The following NEB variants were observed in gnomAD, a reference collection of about 807,000 sequenced individuals.
NEB encodes nebulin, also known as nemaline myopathy type 2.
In NEB, 512 loss-of-function variants were observed where a neutral mutation model predicts 952.2. The ratio of observed to expected loss-of-function variants is 0.54; its 90% CI spans 0.50 to 0.58. The LOEUF (loss-of-function observed/expected upper bound fraction) is 0.58, where lower values mean the gene tolerates loss of function less well. Ranked by LOEUF, NEB falls within the 20% of genes least tolerant of loss-of-function variation. The probability of loss-of-function intolerance (pLI) is 0.00; values close to 1 mark genes in which losing one functional copy is unlikely to be tolerated. For missense variants in NEB, 8,428 were observed against 9,231.1 expected, an observed-to-expected ratio of 0.91 and a Z score of 3.56; for synonymous variants, 2,900 against 3,149.8, an observed-to-expected ratio of 0.92 and a Z score of 2.66.
At chr2:151,675,661 A>G (rs547877070) in intron 34 of NEB, among the ~76,000 whole-genome samples, 1 of 152,354 alleles carries the variant, frequency 6.6e-6, no homozygotes, top group African/African-American at 2.4e-5. Flanking sequence ...ATGAAACCCT[A>G]GCAAGAATAA....
rs561926406 is a variant in NEB, at chr2:151,513,696, A to G, written c.23128-3T>C. On this transcript the variant is annotated splice_region_variant and splice_polypyrimidine_tract_variant and intron_variant, in intron 159 of 181. Coordinates refer to ENST00000397345, the MANE Select transcript of NEB (RefSeq NM_001164508.2). ...TCCAGGTCTCGCTTATATTCTTTCT[A>G]TAGTAGCATTAAAAGAAAAAAAAAA... 3 of 1,576,616 alleles carry G rather than the reference A, an allele frequency of 1.9e-6. No homozygotes were observed. The highest frequency in any genetic ancestry group is 2.6e-6 in the Non-Finnish European group (3 of 1,155,386).
At chr2:151,488,122 TC>T (rs1352965695) in intron 181 of NEB, among the ~76,000 whole-genome samples, 3 of 152,160 alleles carry the variant, frequency 2.0e-5, no homozygotes, top group Non-Finnish European at 4.4e-5. Context: ...TTCTTAGTCT[TC>T]CAAGTCCTAT....
intron 24 of NEB, chr2:151,689,845 C>A (rs2149061264): frequency 6.6e-6 from 1 of 152,288 alleles, no homozygotes; most frequent in East Asian, 1.9e-4. Flanking sequence ...GGCACACGAG[C>A]TGAAATGACT....
In NEB at chr2:151,551,738, C is replaced by T. The variant is rs201553266; in HGVS notation, c.19944G>A (p.Ser6648=). The change falls in exon 129 of 182, where the codon TCG becomes TCA. Residue 6648 remains serine, a splice_region_variant and synonymous_variant. Transcript: ENST00000397345. Reference sequence around the variant, plus strand: ...GCACTCTCAAGTTCTCACTGCTCACCGAACTCTGGAGCTTGTATGCATGAA... The same window carrying T: ...GCACTCTCAAGTTCTCACTGCTCACTGAACTCTGGAGCTTGTATGCATGAA... ...RALHAYKLQS[S]NLYKTSLRTL... is the part of the protein sequence containing the mutation. The T allele has an allele frequency of 1.4e-5, 22 of 1,612,444 alleles. No homozygotes were observed. The highest frequency in any genetic ancestry group is 6.7e-5 in the Admixed American group (4 of 59,922).
chr2:151,615,946 C>T, intron 76 of NEB, 56 bp downstream of exon 76: 3 of 1,321,316 alleles, frequency 2.3e-6, no homozygotes, highest in Middle Eastern at 1.8e-4. Flanking sequence ...ACTCTAAAAG[C>T]TTCTATTTGT....
In NEB at chr2:151,503,383, T is replaced by A. The variant is rs2066248286; in HGVS notation, c.23801A>T (p.Glu7934Val). Reference sequence around the variant, plus strand: ...GTTCTCTTGATTGCGTTTGACTCTCTCAATCTCTGGAGTCACAGTGGTTGG... The same window carrying A: ...GTTCTCTTGATTGCGTTTGACTCTCACAATCTCTGGAGTCACAGTGGTTGG... The part of the protein sequence containing the change: ...GIPTTVTPEI[E>V]RVKRNQENFS... The change falls in exon 166 of 182, where the codon GAG becomes GTG. Residue 7934 changes from glutamate (E) to valine (V), a missense_variant. Glu to Val is a moderately radical substitution (Grantham distance 121). Coordinates refer to ENST00000397345, the MANE Select transcript of NEB (RefSeq NM_001164508.2). The A allele has an allele frequency of 6.2e-7, 1 of 1,612,614 alleles. No individual in the cohort carries two copies. Among genetic ancestry groups the A allele is most frequent in the Non-Finnish European group, 8.5e-7 (1 of 1,178,938 alleles).
rs571828232 is a variant in NEB, at chr2:151,667,360, T to TA, written c.4719+443dup. On this transcript the variant is annotated intron_variant, in intron 40 of 181. Coordinates refer to ENST00000397345, the MANE Select transcript of NEB (RefSeq NM_001164508.2). ...AAAGTTTTAAGTACGTCACAGTTTT[T>TA]AAAAAAGAATTTTCTTCTAACAACT... 2.5e-3 allele frequency among the ~76,000 whole-genome samples: 379 copies of TA among 152,234 alleles called. 1 individual carries two copies. Among genetic ancestry groups the TA allele is most frequent in the Non-Finnish European group, 4.5e-3 (303 of 67,994 alleles).
At chr2:151,616,503 G>A (rs2154003892) in intron 75 of NEB, among the ~76,000 whole-genome samples, 1 of 152,270 alleles carries the variant, frequency 6.6e-6, no homozygotes, top group South Asian at 2.1e-4. Context: ...AGACCAGCCT[G>A]GCCAACATGG....
chr2:151,647,329 C>G (rs967004340), intron 54 of NEB, among the ~76,000 whole-genome samples: 1 of 151,930 alleles, frequency 6.6e-6, no homozygotes, highest in Non-Finnish European at 1.5e-5. Context: ...AGGCTGGTCT[C>G]GAACTCCTGA....
intron 45 of NEB, among the ~76,000 whole-genome samples, chr2:151,662,659 A>T (rs1312028616): frequency 6.6e-6 from 1 of 152,210 alleles, no homozygotes. Context: ...CTCCCAGGTG[A>T]CTGTTATCTC....
chr2:151,687,477 C>T lies in NEB; in HGVS notation c.2579G>A (p.Ser860Asn), dbSNP rs1368018193. 8 of 1,613,932 alleles carry T rather than the reference C, an allele frequency of 5.0e-6. No homozygotes were observed. Among genetic ancestry groups the T allele is most frequent in the Middle Eastern group, 3.3e-4 (2 of 6,084 alleles). ...KSKGKMIGAL[S>N]INDDPKMLHS... ...CAGCATCTTTGGATCGTCATTAATG[C>T]TGAGGGCTCCAATCATTTTCCCTTT... Residue 860 changes from serine to asparagine, a missense_variant, in exon 27 of 182, where the codon AGC (serine) becomes AAC (asparagine). Ser to Asn is a conservative substitution (Grantham distance 46, BLOSUM62 1). This residue lies in a region of NEB where 2,851 missense variants were observed against 2,791.5 expected (regional missense o/e 1.02). Transcript: ENST00000397345.
At chr2:151,514,693 CAT>C in intron 158 of NEB, 123 bp downstream of exon 158, 1 of 713,888 alleles carries the variant, frequency 1.4e-6, no homozygotes, top group Non-Finnish European at 2.3e-6. Context: ...GTACCAAGCA[CAT>C]GAGAACCCAA....
chr2:151,578,176 C>A lies in NEB; in HGVS notation c.16704+1162G>T, dbSNP rs2096948680. ...TCCATTCTATACAGGAAATAAATAA[C>A]CTTCTGTAATCCATCATTTCCAAAA... On this transcript the variant is annotated intron_variant, in intron 105 of 181. Coordinates refer to ENST00000397345, the MANE Select transcript of NEB (RefSeq NM_001164508.2). 2.6e-5 allele frequency among the ~76,000 whole-genome samples: 4 copies of A among 152,106 alleles called. No homozygotes were observed. In the South Asian group the frequency reaches 8.3e-4, roughly 32 times the overall value.
chr2:151,725,088 C>A, intron 6 of NEB, 127 bp from the exon 7 acceptor site: 1 of 705,644 alleles, frequency 1.4e-6, no homozygotes, highest in Non-Finnish European at 2.4e-6. Flanking sequence ...ATAGTTTCTG[C>A]ATTTTAGCTG....
intron 41 of NEB, among the ~76,000 whole-genome samples, 187 bp downstream of exon 41, chr2:151,665,903 G>C (rs573686432): frequency 3.5e-4 from 53 of 152,172 alleles, no homozygotes; most frequent in African/African-American, 1.2e-3. Flanking sequence ...AAATATATTT[G>C]TATGCATATA....
chr2:151,668,198 A>G (rs183099377), intron 39 of NEB, among the ~76,000 whole-genome samples: 1 of 152,320 alleles, frequency 6.6e-6, no homozygotes, highest in African/African-American at 2.4e-5. Flanking sequence ...GAAGGTTTTC[A>G]TTTATTTGTC....
Position 151,535,811 on chromosome 2 carries a change from C to T in NEB, c.21208-16G>A. 7.1e-7 allele frequency: 1 copy of T among 1,415,594 alleles called. No individual in the cohort carries two copies. 87.7% of individuals were successfully genotyped at this position (1,415,594 alleles called of 1,614,324 possible). The stretch of plus-strand genomic sequence containing the variant: ...TATACTTATACTAGAAAAAACAGAA[C>T]ATGGTTACTTGACAGCAGGCTATGA... On this transcript the variant is annotated splice_polypyrimidine_tract_variant and intron_variant, in intron 141 of 181. Transcript: ENST00000397345.
At chr2:151,692,831 G>A (rs577431684) in intron 20 of NEB, among the ~76,000 whole-genome samples, 66 of 152,180 alleles carry the variant, frequency 4.3e-4, no homozygotes, top group African/African-American at 1.5e-3. Context: ...TTAGCCGGGC[G>A]TGATGGCACA....
At chr2:151,619,380 C>T (rs1004671778) in intron 73 of NEB, 71 bp downstream of exon 73, 31 of 1,406,490 alleles carry the variant, frequency 2.2e-5, no homozygotes, top group African/African-American at 4.3e-5. Context: ...AGTTCATTGG[C>T]ACTAGTCAGA....
Sources: gnomAD v4.1 joint callset for allele counts (sites outside exome capture counted in the v4.1 genomes callset) on GRCh38, gnomAD v4.1.1 for gene constraint, gnomAD v4.1.1 regional missense constraint, MANE v1.5 for transcripts, NCBI Gene and HGNC (gene_info 2026-07-23, HGNC 2026-07-21) for gene names.